The following LRRC37A2 variants were observed in gnomAD, a reference collection of about 807,000 sequenced individuals.
LRRC37A2 encodes the protein leucine-rich repeat-containing protein 37A2.
In LRRC37A2, 9 loss-of-function variants were observed where a neutral mutation model predicts 68.8. That is an observed-to-expected ratio of 0.13 (90% CI 0.08 to 0.23). LRRC37A2 has a LOEUF of 0.23. LRRC37A2 is among the 10% of genes least tolerant of loss of function. The probability of loss-of-function intolerance (pLI) is 1.00; values close to 1 mark genes in which losing one functional copy is unlikely to be tolerated. For synonymous variants in LRRC37A2, 63 were observed against 367.6 expected (o/e 0.17, Z 9.48); for missense variants, 168 against 950.4 (o/e 0.18, Z 10.82).
At chr17:46,503,160 C>T in the LRRC37A2 span, among the ~76,000 whole-genome samples, 3 of 143,536 alleles carry the variant, frequency 2.1e-5, no homozygotes, top group Non-Finnish European at 3.0e-5. Flanking sequence ...TGCAGTGAGC[C>T]GAGATCATGC....
At chr17:46,942,395 A>T in the LRRC37A2 span, among the ~76,000 whole-genome samples, 4 of 152,226 alleles carry the variant, frequency 2.6e-5, no homozygotes, top group African/African-American at 9.6e-5. Flanking sequence ...CATTATGCAG[A>T]CAAGGGGCTG....
the LRRC37A2 span, among the ~76,000 whole-genome samples, chr17:46,983,318 A>T: frequency 1.3e-5 from 1 of 77,356 alleles, no homozygotes; most frequent in Admixed American, 2.0e-4. Flanking sequence ...TTTTTTTGAG[A>T]CGGAGTCTCG....
At chr17:46,926,746 C>G in the LRRC37A2 span, among the ~76,000 whole-genome samples, 1 of 152,204 alleles carries the variant, frequency 6.6e-6, no homozygotes, top group Non-Finnish European at 1.5e-5. Flanking sequence ...GTTTTCTTAG[C>G]ATGAAATGTA....
chr17:46,717,969 T>C, the LRRC37A2 span, among the ~76,000 whole-genome samples: 5 of 152,146 alleles, frequency 3.3e-5, no homozygotes, highest in African/African-American at 1.2e-4. Context: ...AGAACATCCA[T>C]TGCCAGATCT....
At chr17:46,787,551 G>T in the LRRC37A2 span, among the ~76,000 whole-genome samples, 1 of 152,202 alleles carries the variant, frequency 6.6e-6, no homozygotes, top group Non-Finnish European at 1.5e-5. Flanking sequence ...CTCCCAGCCA[G>T]AGCTTGTCTC....
chr17:46,761,184 A>G, the LRRC37A2 span, among the ~76,000 whole-genome samples: 2 of 152,210 alleles, frequency 1.3e-5, no homozygotes, highest in Admixed American at 1.3e-4. Context: ...TCAGCTTTTC[A>G]GGGGCTAAAG....
chr17:46,897,144 C>T, the LRRC37A2 span, among the ~76,000 whole-genome samples: 1 of 152,228 alleles, frequency 6.6e-6, no homozygotes, highest in South Asian at 2.1e-4. Flanking sequence ...AGCTCAGCAG[C>T]ACCAGGCAGA....
the LRRC37A2 span, among the ~76,000 whole-genome samples, chr17:46,970,674 C>T: frequency 6.6e-6 from 1 of 152,184 alleles, no homozygotes; most frequent in Non-Finnish European, 1.5e-5. Flanking sequence ...ACTGGAGCCG[C>T]TCCACTCACG....
the LRRC37A2 span, among the ~76,000 whole-genome samples, chr17:46,725,276 A>G: frequency 6.6e-6 from 1 of 152,236 alleles, no homozygotes; most frequent in Non-Finnish European, 1.5e-5. Context: ...TACACATAAC[A>G]TGAACAGAAT....
the LRRC37A2 span, among the ~76,000 whole-genome samples, chr17:46,982,135 C>T: frequency 1.3e-5 from 2 of 152,316 alleles, no homozygotes; most frequent in East Asian, 3.9e-4. Flanking sequence ...GCAAGAGTCT[C>T]CCCTGCCCTG....
the LRRC37A2 span, among the ~76,000 whole-genome samples, chr17:47,020,816 A>T: frequency 6.7e-6 from 1 of 148,698 alleles, no homozygotes; most frequent in Non-Finnish European, 1.5e-5. Context: ...ATAGGAGGGA[A>T]GAAAGAGAAT....
chr17:46,742,927 G>T, the LRRC37A2 span, among the ~76,000 whole-genome samples: 1 of 152,284 alleles, frequency 6.6e-6, no homozygotes, highest in African/African-American at 2.4e-5. Flanking sequence ...TTTCAAGAAT[G>T]AAGCCAGGTT....
the LRRC37A2 span, chr17:47,005,575 C>A: frequency 1.3e-5 from 2 of 152,138 alleles, no homozygotes; most frequent in Non-Finnish European, 2.9e-5. Flanking sequence ...ATTTACAATG[C>A]CCACCTAGTT....
At chr17:46,605,395 C>A in the LRRC37A2 span, among the ~76,000 whole-genome samples, 1 of 138,134 alleles carries the variant, frequency 7.2e-6, no homozygotes, top group Non-Finnish European at 1.6e-5. Context: ...TTGCAGTGAG[C>A]CGAGATCGTG....
the LRRC37A2 span, among the ~76,000 whole-genome samples, chr17:46,954,980 T>G: frequency 6.7e-6 from 1 of 148,230 alleles, no homozygotes; most frequent in African/African-American, 2.7e-5. Context: ...ACAATTTGAC[T>G]TCCTCTTTTC....
At chr17:46,924,057 A>C in the LRRC37A2 span, among the ~76,000 whole-genome samples, 1 of 152,240 alleles carries the variant, frequency 6.6e-6, no homozygotes, top group Non-Finnish European at 1.5e-5. Flanking sequence ...TTCACAACTT[A>C]CATCACTACG....
At chr17:47,016,064 C>T in the LRRC37A2 span, among the ~76,000 whole-genome samples, 1 of 152,134 alleles carries the variant, frequency 6.6e-6, no homozygotes, top group Non-Finnish European at 1.5e-5. Context: ...CCTGCTTTGG[C>T]CTCCTGAGTA....
chr17:46,462,758 C>A, the LRRC37A2 span, among the ~76,000 whole-genome samples: 1 of 99,132 alleles, frequency 1.0e-5, no homozygotes, highest in African/African-American at 3.5e-5. Flanking sequence ...TACAAAATTG[C>A]AAATGGATTT....
chr17:46,968,716 ACAATGG>A, the LRRC37A2 span: 2 of 152,518 alleles, frequency 1.3e-5, no homozygotes, highest in African/African-American at 2.4e-5. Context: ...CAGCACCTCT[ACAATGG>A]CCATGCAGAT....
Sources: gnomAD v4.1 joint callset for allele counts (sites outside exome capture counted in the v4.1 genomes callset) on GRCh38, gnomAD v4.1.1 for gene constraint, MANE v1.5 for transcripts, NCBI Gene and HGNC (gene_info 2026-07-23, HGNC 2026-07-21) for gene names.